Variants in IFT140 observed in about 807,000 individuals in gnomAD.
IFT140 encodes the protein intraflagellar transport protein 140 homolog.
IFT140 carries 133 observed loss-of-function variants against 164.6 expected under a neutral mutation model. That is an observed-to-expected ratio of 0.81 (90% confidence interval 0.70 to 0.93). The LOEUF is 0.93. IFT140 is among the 40% of genes least tolerant of loss of function. The pLI is 0.00. For synonymous variants in IFT140, 860 were observed against 817.3 expected (o/e 1.05, Z -0.89); for missense variants, 2,045 against 1,972.3 (o/e 1.04, Z -0.70).
intron 4 of IFT140, among the ~76,000 whole-genome samples, chr16:1,601,263 C>CAA (rs965825314): frequency 2.3e-3 from 129 of 55,156 alleles, no homozygotes; most frequent in African/African-American, 8.1e-3. Flanking sequence ...GATTCCATCA[C>CAA]AAAAAAAAAA....
At chr16:1,605,555 G>A (rs1303254861) in intron 3 of IFT140, among the ~76,000 whole-genome samples, 4 of 152,032 alleles carry the variant, frequency 2.6e-5, no homozygotes, top group African/African-American at 7.2e-5. Context: ...ACAGGTGCCC[G>A]CCACCACGCC....
rs764216478 is a variant in IFT140 at position 1,520,396 on chromosome 16, C to G, written c.3661-53G>C. ...CAAGCAGGGGCTGGGCCGGGACAAG[C>G]ACAAGGGACCCCGAGCAGGAGCTCT... is the stretch of plus-strand genomic sequence containing the variant. On this transcript the variant is annotated intron_variant, in intron 27 of 30. Coordinates refer to ENST00000426508, the MANE Select transcript of IFT140 (RefSeq NM_014714.4). 137 of 1,574,920 alleles carry G rather than the reference C, an allele frequency of 8.7e-5. No individual in the cohort carries two copies. In the South Asian group the frequency reaches 1.5e-3, roughly 17 times the overall value.
intron 19 of IFT140, chr16:1,534,202 C>T (rs1265637009): frequency 1.4e-5 from 22 of 1,570,044 alleles, no homozygotes; most frequent in Admixed American, 1.9e-5. Context: ...CTAGCAGCGT[C>T]GGCTCTCCCT....
chr16:1,528,171 C>A (rs941271285), intron 19 of IFT140, among the ~76,000 whole-genome samples: 5 of 152,142 alleles, frequency 3.3e-5, no homozygotes, highest in Admixed American at 2.6e-4. Flanking sequence ...GGGCTCAGGG[C>A]TTCAGACAAA....
chr16:1,527,253 G>A (rs1472785877), intron 19 of IFT140, among the ~76,000 whole-genome samples: 1 of 152,204 alleles, frequency 6.6e-6, no homozygotes, highest in Non-Finnish European at 1.5e-5. Flanking sequence ...GCAGCCAAAG[G>A]GTGGAGCCTG....
In IFT140 at chr16:1,562,119, G is replaced by T; in HGVS notation, c.2068-3C>A. On this transcript the variant is annotated splice_region_variant and splice_polypyrimidine_tract_variant and intron_variant, in intron 17 of 30. Coordinates refer to ENST00000426508, the MANE Select transcript of IFT140 (RefSeq NM_014714.4). ...AAGGACAGGATCAAAACATCTGCCTGGGAGAGAAAGAAAAGTACTGTTCTG... is the reference window on the plus strand; with the variant it reads ...AAGGACAGGATCAAAACATCTGCCTTGGAGAGAAAGAAAAGTACTGTTCTG... 10 of 1,580,634 alleles carry T rather than the reference G, an allele frequency of 6.3e-6. No individual in the cohort carries two copies. The highest frequency in any genetic ancestry group is 2.3e-5 in the East Asian group (1 of 44,208).
chr16:1,520,916 G>T (rs1354330246), intron 26 of IFT140, 108 bp from the exon 27 acceptor site: 1 of 1,037,476 alleles, frequency 9.6e-7, no homozygotes, highest in Non-Finnish European at 1.4e-6. Flanking sequence ...GCTCAGCGGC[G>T]GCTTCTGTCT....
At chr16:1,519,471 G>A (rs1032162828) in intron 29 of IFT140, among the ~76,000 whole-genome samples, 2 of 152,118 alleles carry the variant, frequency 1.3e-5, no homozygotes, top group African/African-American at 2.4e-5. Flanking sequence ...CTTGGAGCTG[G>A]TGGCAGTTGA....
intron 7 of IFT140, 104 bp downstream of exon 7, chr16:1,589,500 CT>C: frequency 9.2e-6 from 11 of 1,193,114 alleles, no homozygotes; most frequent in East Asian, 2.4e-5. Context: ...AGTTGATAGG[CT>C]TTTTTTCAGT....
chr16:1,578,607 C>T (rs1251130728), intron 13 of IFT140, among the ~76,000 whole-genome samples: 1 of 150,780 alleles, frequency 6.6e-6, no homozygotes, highest in African/African-American at 2.4e-5. Context: ...CATGGCCGGG[C>T]GTGGTGGCTC....
intron 13 of IFT140, chr16:1,578,424 G>C (rs2034384418): frequency 6.6e-6 from 1 of 152,084 alleles, no homozygotes; most frequent in Non-Finnish European, 1.5e-5. Context: ...CCTGGTCACA[G>C]AACCTTGCTG....
chr16:1,544,086 C>T (rs1239991222), intron 19 of IFT140, among the ~76,000 whole-genome samples: 3 of 150,638 alleles, frequency 2.0e-5, no homozygotes, highest in Admixed American at 6.6e-5. Context: ...GGCGCAATCT[C>T]GGCTCACTGC....
intron 17 of IFT140, among the ~76,000 whole-genome samples, chr16:1,563,069 C>T (rs955208936): frequency 6.6e-6 from 1 of 152,000 alleles, no homozygotes; most frequent in Non-Finnish European, 1.5e-5. Flanking sequence ...GGAGACGGCC[C>T]TACCTCCCTG....
intron 24 of IFT140, chr16:1,524,195 T>C: frequency 1.6e-6 from 1 of 629,050 alleles, no homozygotes. Context: ...GGGAGATGCT[T>C]CTGGAAGCGA....
Position 1,513,452 on chromosome 16 carries a change from G to A in IFT140, c.4183-2302C>T, listed in dbSNP as rs370824623. On this transcript the variant is annotated intron_variant, in intron 30 of 30. Transcript: ENST00000426508. ...GGAGGCGGAGGTTGCAGTGAGCCAC[G>A]ATCATGCCACTGCACTCCAGCTGGG... Among the ~76,000 whole-genome samples, 5 of 152,064 alleles carry A rather than the reference G, an allele frequency of 3.3e-5. No individual in the cohort carries two copies. The East Asian group carries it at 9.9e-4, about 30-fold the overall frequency.
chr16:1,525,779 G>A (rs553990699), intron 21 of IFT140, 108 bp downstream of exon 21: 65 of 1,132,426 alleles, frequency 5.7e-5, no homozygotes, highest in Middle Eastern at 6.1e-4. Context: ...TGAGACAGAC[G>A]CCTCCTCTAA....
At chr16:1,516,900 CAG>C (rs1048614609) in intron 30 of IFT140, among the ~76,000 whole-genome samples, 2 of 151,958 alleles carry the variant, frequency 1.3e-5, no homozygotes, top group East Asian at 1.9e-4. Context: ...GGATTACCAT[CAG>C]AGTGAGACAC....
chr16:1,550,859 C>T (rs866202184), intron 19 of IFT140, among the ~76,000 whole-genome samples: 6 of 152,262 alleles, frequency 3.9e-5, no homozygotes, highest in Non-Finnish European at 7.3e-5. Context: ...CTGTGGCTGA[C>T]GCTGACCCTA....
At chr16:1,554,386 G>C (rs1012870171) in intron 19 of IFT140, among the ~76,000 whole-genome samples, 1 of 152,312 alleles carries the variant, frequency 6.6e-6, no homozygotes, top group African/African-American at 2.4e-5. Context: ...TGCTGAGTCT[G>C]GGGGGCTAGG....
Sources: gnomAD v4.1 joint callset for allele counts (sites outside exome capture counted in the v4.1 genomes callset) on GRCh38, gnomAD v4.1.1 for gene constraint, MANE v1.5 for transcripts, NCBI Gene and HGNC (gene_info 2026-07-23, HGNC 2026-07-21) for gene names.